Variants in VPS13B observed in about 807,000 individuals in gnomAD.
VPS13B encodes vacuolar protein sorting 13 homolog B, also known as intermembrane lipid transfer protein VPS13B.
In VPS13B, 285 loss-of-function variants were observed where a neutral mutation model predicts 426.4. The ratio of observed to expected loss-of-function variants is 0.67; its 90% confidence interval spans 0.61 to 0.74. The LOEUF (loss-of-function observed/expected upper bound fraction) is 0.74. Ranked by LOEUF, VPS13B falls within the 30% of genes least tolerant of loss-of-function variation. The pLI, the probability that VPS13B is intolerant of heterozygous loss-of-function variation, is 0.00. For missense variants in VPS13B, 4,537 were observed against 4,782.6 expected, an observed-to-expected ratio of 0.95 and a Z score of 1.51; for synonymous variants, 1,676 against 1,676.4, an observed-to-expected ratio of 1.00 and a Z score of 0.01.
intron 35 of VPS13B, among the ~76,000 whole-genome samples, chr8:99,663,894 A>C (rs1253513456): frequency 6.6e-6 from 1 of 152,226 alleles, no homozygotes; most frequent in African/African-American, 2.4e-5. Context: ...AATTAGATAC[A>C]ATATTTTCAA....
chr8:99,121,706 A>T, intron 8 of VPS13B: 3 of 882,330 alleles, frequency 3.4e-6, no homozygotes, highest in Non-Finnish European at 4.6e-6. Flanking sequence ...TGAATCATTC[A>T]GTTGGTGTAC....
chr8:99,692,484 T>C (rs1322209066), intron 35 of VPS13B, among the ~76,000 whole-genome samples: 2 of 149,264 alleles, frequency 1.3e-5, no homozygotes, highest in Non-Finnish European at 2.9e-5. Flanking sequence ...AAAGATGTTC[T>C]TTGAAACCAG....
At chr8:99,695,266 T>C (rs1307246525) in intron 35 of VPS13B, among the ~76,000 whole-genome samples, 3 of 148,156 alleles carry the variant, frequency 2.0e-5, no homozygotes, top group South Asian at 4.3e-4. Context: ...TATTGCGGCA[T>C]TATTCACAAT....
intron 17 of VPS13B, among the ~76,000 whole-genome samples, chr8:99,223,183 T>G (rs1216065316): frequency 1.3e-5 from 2 of 152,232 alleles, no homozygotes; most frequent in Non-Finnish European, 2.9e-5. Context: ...TAGAAATTAT[T>G]TATTTTACTG....
chr8:99,234,229 T>C (rs1391606630), intron 17 of VPS13B: 2 of 774,514 alleles, frequency 2.6e-6, no homozygotes, highest in African/African-American at 3.4e-5. Context: ...AGCTCCTCCA[T>C]GGCTATTTTG....
intron 31 of VPS13B, among the ~76,000 whole-genome samples, chr8:99,574,147 T>C (rs1379099323): frequency 6.6e-6 from 1 of 152,186 alleles, no homozygotes; most frequent in African/African-American, 2.4e-5. Context: ...TGCACATTGA[T>C]TTTGTATCCT....
At chr8:99,555,810 CTA>C (rs1824532204) in intron 30 of VPS13B, among the ~76,000 whole-genome samples, 1 of 152,104 alleles carries the variant, frequency 6.6e-6, no homozygotes, top group Non-Finnish European at 1.5e-5. Context: ...TGTTCCAACT[CTA>C]TATAGGGCAG....
chr8:99,241,561 T>C (rs1816934632), intron 17 of VPS13B: 1 of 152,180 alleles, frequency 6.6e-6, no homozygotes, highest in Non-Finnish European at 1.5e-5. Context: ...CTTTTGCCAT[T>C]TTTAGAATGT....
At chr8:99,099,090 T>G (rs1846592528) in intron 4 of VPS13B, among the ~76,000 whole-genome samples, 2 of 152,114 alleles carry the variant, frequency 1.3e-5, no homozygotes, top group Non-Finnish European at 2.9e-5. Flanking sequence ...TCACATCGGT[T>G]TTTTTAGCTC....
chr8:99,337,422 G>T (rs1237063725), intron 19 of VPS13B, among the ~76,000 whole-genome samples: 2 of 151,358 alleles, frequency 1.3e-5, no homozygotes, highest in African/African-American at 4.9e-5. Flanking sequence ...TAAATGACGA[G>T]TTAATGGGTG....
intron 39 of VPS13B, among the ~76,000 whole-genome samples, chr8:99,734,512 G>A (rs117386092): frequency 0.015 from 2,256 of 152,324 alleles, 23 homozygotes; most frequent in Non-Finnish European, 0.02. Flanking sequence ...AGGGATGGGA[G>A]TTGATATAAT....
chr8:99,084,989 G>T (rs540647646), intron 3 of VPS13B, among the ~76,000 whole-genome samples: 10 of 121,884 alleles, frequency 8.2e-5, no homozygotes, highest in Non-Finnish European at 1.4e-4. Flanking sequence ...GCAGAGTTGA[G>T]TTCAATTCCT....
At chr8:99,874,453 CT>C (rs1253444193) in intron 61 of VPS13B, among the ~76,000 whole-genome samples, 2 of 152,166 alleles carry the variant, frequency 1.3e-5, no homozygotes, top group Non-Finnish European at 2.9e-5. Flanking sequence ...CTTTCTCCAG[CT>C]TTTAAGACAC....
At position 99,870,891 on chromosome 8, in the gene VPS13B, A is replaced by AAATT; in HGVS notation, c.11495+6_11495+9dup. 2 of 1,613,750 alleles carry AAATT rather than the reference A, an allele frequency of 1.2e-6. No individual in the cohort carries two copies. Among genetic ancestry groups the AAATT allele is most frequent in the Non-Finnish European group, 1.7e-6 (2 of 1,179,652 alleles). On this transcript the variant is annotated splice_donor_region_variant and intron_variant, in intron 60 of 61. Coordinates refer to ENST00000357162, the MANE Select transcript of VPS13B (RefSeq NM_152564.5). Reference sequence around the variant, plus strand: ...ACAGCCATGTCAAATATGTCTGGTAAAATTATTGAGATACGTGCTCAACTT... The same window carrying AAATT: ...ACAGCCATGTCAAATATGTCTGGTAAAATTAATTATTGAGATACGTGCTCAACTT...
intron 17 of VPS13B, among the ~76,000 whole-genome samples, chr8:99,207,986 T>C (rs1814826746): frequency 1.3e-5 from 2 of 152,190 alleles, no homozygotes; most frequent in Non-Finnish European, 2.9e-5. Flanking sequence ...GGACAAGAGT[T>C]AATTACATAC....
intron 3 of VPS13B, among the ~76,000 whole-genome samples, chr8:99,071,465 A>G (rs945439935): frequency 2.6e-5 from 4 of 152,192 alleles, no homozygotes; most frequent in African/African-American, 4.8e-5. Flanking sequence ...CAGGCGGGGA[A>G]AAAGGTGACA....
chr8:99,215,612 G>A (rs1563608352), intron 17 of VPS13B, among the ~76,000 whole-genome samples: 1 of 152,130 alleles, frequency 6.6e-6, no homozygotes, highest in Non-Finnish European at 1.5e-5. Flanking sequence ...CTCCTGTGAA[G>A]GCACAGGTAT....
At chr8:99,219,335 T>C (rs1367591445) in intron 17 of VPS13B, among the ~76,000 whole-genome samples, 1 of 152,202 alleles carries the variant, frequency 6.6e-6, no homozygotes, top group East Asian at 1.9e-4. Context: ...TCAGTTTAGT[T>C]GAATGATCAG....
intron 2 of VPS13B, among the ~76,000 whole-genome samples, chr8:99,025,023 T>A (rs1842066115): frequency 6.6e-6 from 1 of 152,176 alleles, no homozygotes; most frequent in Non-Finnish European, 1.5e-5. Flanking sequence ...TTAAATTTAT[T>A]CTAAGGTATT....
Sources: allele counts gnomAD v4.1 joint callset (sites outside exome capture counted in the v4.1 genomes callset), GRCh38; gene constraint gnomAD v4.1.1; transcripts MANE v1.5; gene names NCBI Gene and HGNC (gene_info 2026-07-23, HGNC 2026-07-21).